The following PCDH1 variants were observed in gnomAD, a reference collection of about 807,000 sequenced individuals.
The protein encoded by PCDH1 is protocadherin-1.
PCDH1 carries 23 observed loss-of-function variants against 74.6 expected under a neutral mutation model. The observed-to-expected ratio is 0.31, with a 90% CI of 0.22 to 0.44. PCDH1 has a LOEUF of 0.44. Ranked by LOEUF, PCDH1 falls within the 20% of genes least tolerant of loss-of-function variation. The probability of loss-of-function intolerance (pLI) is 1.00; values close to 1 mark genes in which losing one functional copy is unlikely to be tolerated. For synonymous variants in PCDH1, 647 were observed against 686.1 expected, an observed-to-expected ratio of 0.94 and a Z score of 0.89; for missense variants, 1,214 against 1,641.4, an observed-to-expected ratio of 0.74 and a Z score of 4.50.
In PCDH1 at chr5:141,865,240, G is replaced by A. The variant is rs751951852; in HGVS notation, c.1091C>T (p.Thr364Ile). 3.7e-6 allele frequency: 6 copies of A among 1,614,166 alleles called. No homozygotes were observed. Among genetic ancestry groups the A allele is most frequent in the Non-Finnish European group, 5.1e-6 (6 of 1,180,030 alleles). ...CTGGGCACGGGCACTCTTGGGGTTG[G>A]TGCCTCGGTCCTTAGCAAGCACTGA... ...RFSVLAKDRG[T>I]NPKSARAQVV... Residue 364 changes from threonine (T) to isoleucine (I), a missense_variant, in exon 3 of 5, where the codon ACC becomes ATC. This residue lies in a region of PCDH1 where 836 missense variants were observed against 1,182.2 expected (regional missense o/e 0.71). Transcript: ENST00000287008. This position sits in a 1 kb window ranked among gnomAD's most constrained non-coding sequence, Gnocchi z 4.4.
intron 3 of PCDH1, 48 bp from the exon 4 acceptor site, chr5:141,857,519 G>A: frequency 6.5e-7 from 1 of 1,532,698 alleles, no homozygotes; most frequent in Non-Finnish European, 8.9e-7. Context: ...TTGCCCACAG[G>A]GCCCACCACC....
chr5:141,863,723 G>C lies in PCDH1; in HGVS notation c.2608C>G (p.Leu870Val), dbSNP rs762027956. The C allele has an allele frequency of 3.6e-5, 58 of 1,614,092 alleles. No homozygotes were observed. Among genetic ancestry groups the C allele is most frequent in the Non-Finnish European group, 4.0e-5 (47 of 1,180,028 alleles). The part of the protein sequence containing the change: ...GVVAVALLIA[L>V]AVLVRYCRQR... ...CTGCAGTAGCGCACAAGAACCGCCA[G>C]GGCGATGAGCAAGGCCACGGCCACC... Residue 870 changes from leucine (L) to valine (V), a missense_variant, in exon 3 of 5, where the codon CTG (leucine) becomes GTG (valine). Physicochemically the swap from Leu to Val is conservative, Grantham distance 32. Transcript: ENST00000287008. The surrounding 1 kb of genome is among the most constrained non-coding windows in gnomAD (Gnocchi z 7.5).
chr5:141,870,185 G>A (rs1424320574), intron 1 of PCDH1, among the ~76,000 whole-genome samples: 9 of 152,218 alleles, frequency 5.9e-5, no homozygotes, highest in Non-Finnish European at 1.0e-4. Context: ...TTAGGGTTGA[G>A]GAGTAGGTGT....
intron 2 of PCDH1, chr5:141,867,625 A>G (rs1206916787): frequency 1.6e-5 from 7 of 446,644 alleles, no homozygotes; most frequent in Non-Finnish European, 2.7e-5. Flanking sequence ...CTAAAAAAAA[A>G]AAAAAAGGCT....
chr5:141,862,613 C>T (rs1314316187), intron 3 of PCDH1: 8 of 985,288 alleles, frequency 8.1e-6, no homozygotes, highest in Admixed American at 6.2e-5. Context: ...CAGTCTCTCT[C>T]GCTGCTTCTC....
chr5:141,866,266 G>T, intron 2 of PCDH1: 1 of 982,842 alleles, frequency 1.0e-6, no homozygotes, highest in Non-Finnish European at 1.2e-6. Flanking sequence ...GCCTGAGCCT[G>T]CAGCCAGGAG....
Position 141,854,178 on chromosome 5 carries a change from G to A in PCDH1, c.3578C>T (p.Ala1193Val). 6.2e-7 allele frequency: 1 copy of A among 1,608,024 alleles called. No individual in the cohort carries two copies. The highest frequency in any genetic ancestry group is 8.5e-7 in the Non-Finnish European group (1 of 1,175,786). Residue 1193 changes from alanine (A) to valine (V), a missense_variant, in exon 5 of 5, where the codon GCC (alanine) becomes GTC (valine). This residue lies in a region of PCDH1 where 194 missense variants were observed against 198.3 expected (regional missense o/e 0.98). Transcript: ENST00000287008. Reference protein sequence around the residue: ...APVRLLPSYSAFSHSSHDSCK... With the variant: ...APVRLLPSYSVFSHSSHDSCK... ...GGAATCATGGCTACTGTGGGAGAAG[G>A]CACTGTAGGAGGGCAGGAGGCGCAC...
intron 3 of PCDH1, among the ~76,000 whole-genome samples, chr5:141,861,746 C>A (rs1486135650): frequency 4.6e-5 from 7 of 152,122 alleles, no homozygotes; most frequent in Non-Finnish European, 8.8e-5. Context: ...TAGGTTGCCT[C>A]TGGCCTCAGA....
intron 1 of PCDH1, among the ~76,000 whole-genome samples, chr5:141,876,965 C>A (rs1257287301): frequency 6.6e-6 from 1 of 152,268 alleles, no homozygotes; most frequent in Non-Finnish European, 1.5e-5. Context: ...GTTCCCGGAA[C>A]ACCAGCCGGT....
rs1404746806 is a variant in PCDH1, at chr5:141,854,094, G to A, written c.3662C>T (p.Pro1221Leu). Reference protein sequence around the residue: ...IPLTQTSDFPPAATPASAQTA... With the variant: ...IPLTQTSDFPLAATPASAQTA... ...CTGGGCAGATGCCGGTGTGGCTGCG[G>A]GTGGGAAGTCCGAGGTCTGGGTCAG... The change falls in exon 5 of 5, where the codon CCC becomes CTC. Residue 1221 changes from proline (P) to leucine (L), a missense_variant. This residue lies in a region of PCDH1 where 194 missense variants were observed against 198.3 expected (regional missense o/e 0.98). Coordinates refer to ENST00000287008, the MANE Select transcript of PCDH1 (RefSeq NM_032420.5). 1 of 1,553,792 alleles carries A rather than the reference G, an allele frequency of 6.4e-7. No individual in the cohort carries two copies. Among genetic ancestry groups the A allele is most frequent in the Non-Finnish European group, 8.7e-7 (1 of 1,146,910 alleles).
At chr5:141,870,703 C>T (rs1382026009) in intron 1 of PCDH1, among the ~76,000 whole-genome samples, 2 of 152,182 alleles carry the variant, frequency 1.3e-5, no homozygotes, top group African/African-American at 4.8e-5. Flanking sequence ...CCCATCTCCC[C>T]TGGCTTTGAG....
Position 141,878,138 on chromosome 5 carries a change from C to A in PCDH1, c.40+85G>T. 7.8e-7 allele frequency: 1 copy of A among 1,288,358 alleles called. No homozygotes were observed. The highest frequency in any genetic ancestry group is 3.4e-5 in the Admixed American group (1 of 29,696). The allele number at this position is 1,288,358 out of a possible 1,614,324, so 79.8% of individuals were successfully genotyped here. A position where few individuals can be genotyped will look rare whatever the true frequency, so the allele number is the denominator to read the frequency against. On this transcript the variant is annotated intron_variant, in intron 1 of 4. Coordinates refer to ENST00000287008, the MANE Select transcript of PCDH1 (RefSeq NM_032420.5). The surrounding 1 kb of genome is among the most constrained non-coding windows in gnomAD (Gnocchi z 5.5). Reference sequence around the variant, plus strand: ...GTTGGGCCCCCGCGGCCTCGCTCCGCCGAGCGCCCCTCCCTCAGCTCCCGC... The same window carrying A: ...GTTGGGCCCCCGCGGCCTCGCTCCGACGAGCGCCCCTCCCTCAGCTCCCGC...
intron 3 of PCDH1, among the ~76,000 whole-genome samples, chr5:141,860,630 CT>C (rs1280996030): frequency 2.0e-5 from 3 of 152,058 alleles, no homozygotes; most frequent in Admixed American, 2.0e-4. Context: ...CACAGAACGC[CT>C]TTTTTATAGC....
At chr5:141,861,115 CAAAAAAAAAAA>C (rs59007688) in intron 3 of PCDH1, among the ~76,000 whole-genome samples, 1 of 61,924 alleles carries the variant, frequency 1.6e-5, no homozygotes, top group Admixed American at 2.0e-4. Context: ...AACTCCATCT[CAAAAAAAAAAA>C]AAAAAAAAAA....
At position 141,864,151 on chromosome 5, in the gene PCDH1, G is replaced by C; in HGVS notation, c.2180C>G (p.Thr727Ser). 6.2e-7 allele frequency: 1 copy of C among 1,608,694 alleles called. No individual in the cohort carries two copies. The highest frequency in any genetic ancestry group is 8.5e-7 in the Non-Finnish European group (1 of 1,175,984). The stretch of plus-strand genomic sequence containing the variant: ...CGTCTCACCAAGACGTGTCTGGGGG[G>C]TCAGCAGCTTGTGAGAGGTGTTAGA... Reference protein sequence around the residue: ...APSNTSHKLLTPQTRLGETVS... With the variant: ...APSNTSHKLLSPQTRLGETVS... Residue 727 changes from threonine (T) to serine (S), a missense_variant, in exon 3 of 5, where the codon ACC becomes AGC. Coordinates refer to ENST00000287008, the MANE Select transcript of PCDH1 (RefSeq NM_032420.5). The surrounding 1 kb of genome is among the most constrained non-coding windows in gnomAD (Gnocchi z 5.9).
chr5:141,868,503 T>C lies in PCDH1; in HGVS notation c.903+66A>G. The stretch of plus-strand genomic sequence containing the variant: ...CCCCTAAGTGAAGGGAACTCTCACC[T>C]GGTTGGGTGGGCTCCCATTTCTAGT... On this transcript the variant is annotated intron_variant, in intron 2 of 4. Transcript: ENST00000287008. This position sits in a 1 kb window ranked among gnomAD's most constrained non-coding sequence, Gnocchi z 4.8. The C allele has an allele frequency of 6.6e-7, 1 of 1,509,734 alleles. No individual in the cohort carries two copies. The highest frequency in any genetic ancestry group is 8.8e-7 in the Non-Finnish European group (1 of 1,131,170). 93.5% of individuals were successfully genotyped at this position (1,509,734 alleles called of 1,614,324 possible).
rs11949917 is a variant in PCDH1, at chr5:141,878,073, C to G, written c.40+150G>C. On this transcript the variant is annotated intron_variant, in intron 1 of 4. Transcript: ENST00000287008. This position sits in a 1 kb window ranked among gnomAD's most constrained non-coding sequence, Gnocchi z 5.5. ...TCAGCCGCATCCCCTGCTATGGGCTCCCAGCAGCCCCCACCTCAGCCCCCT... is the reference window on the plus strand; with the variant it reads ...TCAGCCGCATCCCCTGCTATGGGCTGCCAGCAGCCCCCACCTCAGCCCCCT... 4.4e-5 allele frequency: 27 copies of G among 617,080 alleles called. No homozygotes were observed. The highest frequency in any genetic ancestry group is 1.4e-4 in the African/African-American group (7 of 50,968). The allele number at this position is 617,080 out of a possible 1,614,324, so 38.2% of individuals were successfully genotyped here.
In PCDH1 at chr5:141,869,374, C is replaced by A; in HGVS notation, c.98G>T (p.Gly33Val). Reference sequence around the variant, plus strand: ...GGAGGGCAGCAGTAGCCGTTGCCCCCCAGGGCCTGGGCTGTGCCTCAGGTG... The same window carrying A: ...GGAGGGCAGCAGTAGCCGTTGCCCCACAGGGCCTGGGCTGTGCCTCAGGTG... ...MEHLRHSPGP[G>V]GQRLLLPSML... The change falls in exon 2 of 5, where the codon GGG (glycine) becomes GTG (valine). Residue 33 changes from glycine to valine, a missense_variant. Physicochemically the swap from Gly to Val is moderately radical, Grantham distance 109. Around this residue, in one of 4 missense-constraint regions of PCDH1, gnomAD observed 87 missense variants for 87.7 expected, o/e 0.99. Transcript: ENST00000287008. The surrounding 1 kb of genome is among the most constrained non-coding windows in gnomAD (Gnocchi z 4.9). 6.3e-7 allele frequency: 1 copy of A among 1,597,510 alleles called. No homozygotes were observed. Among genetic ancestry groups the A allele is most frequent in the Admixed American group, 1.7e-5 (1 of 58,116 alleles).
Position 141,869,872 on chromosome 5 carries a change from G to A in PCDH1, c.41-441C>T, listed in dbSNP as rs1237469817. 2 of 907,368 alleles carry A rather than the reference G, an allele frequency of 2.2e-6. No homozygotes were observed. The highest frequency in any genetic ancestry group is 3.6e-5 in the African/African-American group (2 of 55,710). 56.2% of individuals were successfully genotyped at this position (907,368 alleles called of 1,614,324 possible). On this transcript the variant is annotated intron_variant, in intron 1 of 4. Transcript: ENST00000287008. The surrounding 1 kb of genome is among the most constrained non-coding windows in gnomAD (Gnocchi z 4.9). ...ATAGGGAGAGAGAGCCAGTGGAAGG[G>A]TGAGACCTCGAGCATCCCCAACTGG...
Sources: allele counts gnomAD v4.1 joint callset (sites outside exome capture counted in the v4.1 genomes callset), GRCh38; gene constraint gnomAD v4.1.1; regional missense constraint gnomAD v4.1.1; non-coding constraint Gnocchi (gnomAD v3.1); transcripts MANE v1.5; gene names NCBI Gene and HGNC (gene_info 2026-07-23, HGNC 2026-07-21).